The following MSRA variants were observed in gnomAD, a reference collection of about 807,000 sequenced individuals.
MSRA encodes the protein mitochondrial peptide methionine sulfoxide reductase.
MSRA carries 54 observed loss-of-function variants against 31.3 expected under a neutral mutation model. That is an observed-to-expected ratio of 1.73 (90% confidence interval 1.39 to 2.17). The LOEUF (loss-of-function observed/expected upper bound fraction) is 2.17. MSRA is among the 30% of genes most tolerant of loss of function. The probability of loss-of-function intolerance (pLI) is 0.00; values close to 1 mark genes in which losing one functional copy is unlikely to be tolerated. For missense variants in MSRA, 507 were observed against 300.9 expected (o/e 1.69, Z -5.07); for synonymous variants, 169 against 116.5 (o/e 1.45, Z -2.90).
At chr8:10,255,692 A>C (rs1056939123) in intron 3 of MSRA, among the ~76,000 whole-genome samples, 1 of 151,974 alleles carries the variant, frequency 6.6e-6, no homozygotes, top group African/African-American at 2.4e-5. Context: ...GCTCTGGGGA[A>C]CAATCATCTG....
intron 1 of MSRA, among the ~76,000 whole-genome samples, chr8:10,188,665 C>G (rs1299554543): frequency 6.6e-6 from 1 of 152,120 alleles, no homozygotes; most frequent in African/African-American, 2.4e-5. Context: ...AAAAGACTGT[C>G]CTTTCCTGAT....
At chr8:10,226,419 C>T (rs1181904439) in intron 2 of MSRA, among the ~76,000 whole-genome samples, 2 of 152,150 alleles carry the variant, frequency 1.3e-5, no homozygotes, top group Non-Finnish European at 2.9e-5. Flanking sequence ...AAGATTTCTT[C>T]ATCTGGGACC....
intron 4 of MSRA, among the ~76,000 whole-genome samples, chr8:10,318,668 G>A (rs1372927351): frequency 6.6e-6 from 1 of 152,166 alleles, no homozygotes; most frequent in Non-Finnish European, 1.5e-5. Context: ...TTTGTTTTGT[G>A]ATTCAATGGG....
intron 3 of MSRA, among the ~76,000 whole-genome samples, chr8:10,261,762 T>C (rs1446678709): frequency 6.6e-6 from 1 of 152,184 alleles, no homozygotes; most frequent in Non-Finnish European, 1.5e-5. Flanking sequence ...TTTGGTGGTG[T>C]ACATTCTGTA....
At chr8:10,325,333 A>G (rs1231380112) in intron 5 of MSRA, among the ~76,000 whole-genome samples, 3 of 152,014 alleles carry the variant, frequency 2.0e-5, no homozygotes, top group Non-Finnish European at 4.4e-5. Flanking sequence ...ATTATGTATA[A>G]TACGTATATC....
At chr8:10,239,551 C>T (rs565190586) in intron 2 of MSRA, among the ~76,000 whole-genome samples, 1 of 152,332 alleles carries the variant, frequency 6.6e-6, no homozygotes, top group African/African-American at 2.4e-5. Context: ...CAGAGATCCT[C>T]CTACACTGCT....
At chr8:10,357,231 C>G (rs1447628043) in intron 5 of MSRA, among the ~76,000 whole-genome samples, 2 of 152,206 alleles carry the variant, frequency 1.3e-5, no homozygotes, top group Admixed American at 6.5e-5. Flanking sequence ...TATTTCAACT[C>G]TATGAATTTG....
intron 5 of MSRA, among the ~76,000 whole-genome samples, chr8:10,328,645 T>G (rs1199526203): frequency 6.6e-6 from 1 of 152,168 alleles, no homozygotes; most frequent in African/African-American, 2.4e-5. Context: ...ACCAGGTCCT[T>G]CAAAGTCATG....
chr8:10,172,192 C>A (rs993191881), intron 1 of MSRA, among the ~76,000 whole-genome samples: 1 of 152,160 alleles, frequency 6.6e-6, no homozygotes, highest in African/African-American at 2.4e-5. Flanking sequence ...GCAGTGGGAT[C>A]TGGTCACGGG....
chr8:10,364,075 G>A (rs777532622), intron 5 of MSRA, among the ~76,000 whole-genome samples: 1 of 152,078 alleles, frequency 6.6e-6, no homozygotes, highest in Non-Finnish European at 1.5e-5. Flanking sequence ...ACACTTAAAC[G>A]ATTATTTAAA....
At chr8:10,081,661 T>C (rs1738672720) in intron 1 of MSRA, among the ~76,000 whole-genome samples, 1 of 152,086 alleles carries the variant, frequency 6.6e-6, no homozygotes, top group South Asian at 2.1e-4. Context: ...GACAAATCTT[T>C]GTATTTTTAG....
intron 1 of MSRA, among the ~76,000 whole-genome samples, chr8:10,056,604 A>G (rs965817864): frequency 1.3e-5 from 2 of 151,496 alleles, no homozygotes; most frequent in African/African-American, 4.9e-5. Context: ...CTTTTTCCAC[A>G]AAAAGTGTGT....
intron 3 of MSRA, among the ~76,000 whole-genome samples, chr8:10,252,315 AGGATTCAG>A (rs1410134523): frequency 6.6e-6 from 1 of 152,206 alleles, no homozygotes; most frequent in African/African-American, 2.4e-5. Context: ...TGGACAGTCA[AGGATTCAG>A]AGTAGGGGTG....
chr8:10,414,464 T>C (rs1032372040), intron 5 of MSRA, among the ~76,000 whole-genome samples: 3 of 152,226 alleles, frequency 2.0e-5, no homozygotes, highest in Non-Finnish European at 4.4e-5. Flanking sequence ...TTTCCTAGCG[T>C]TGGCACTGAA....
At chr8:10,409,932 T>A (rs952250844) in intron 5 of MSRA, among the ~76,000 whole-genome samples, 1 of 152,198 alleles carries the variant, frequency 6.6e-6, no homozygotes, top group Non-Finnish European at 1.5e-5. Context: ...GGGTGGCACG[T>A]GTCTCTAGTC....
intron 1 of MSRA, among the ~76,000 whole-genome samples, chr8:10,195,841 A>T (rs2129055227): frequency 6.6e-6 from 1 of 152,366 alleles, no homozygotes; most frequent in Non-Finnish European, 1.5e-5. Flanking sequence ...CCATCAAGAA[A>T]TAAAGCCAGA....
intron 1 of MSRA, among the ~76,000 whole-genome samples, chr8:10,141,099 A>G (rs375658069): frequency 1.3e-5 from 2 of 152,188 alleles, no homozygotes; most frequent in Non-Finnish European, 2.9e-5. Context: ...CTCAAATCCA[A>G]CAAACCCTGC....
chr8:10,201,308 C>T (rs888314501), intron 1 of MSRA, among the ~76,000 whole-genome samples: 19 of 152,050 alleles, frequency 1.2e-4, no homozygotes, highest in Admixed American at 2.0e-4. Context: ...TAACATGACC[C>T]GATGAGATTG....
chr8:10,113,292 CTTTTTTTTT>C (rs10665004), intron 1 of MSRA, among the ~76,000 whole-genome samples: 957 of 57,632 alleles, frequency 0.017, 77 homozygotes, highest in Non-Finnish European at 0.023. Context: ...GACAGGTCTT[CTTTTTTTTT>C]TTTTTTTTTT....
Sources: allele counts gnomAD v4.1 joint callset (sites outside exome capture counted in the v4.1 genomes callset), GRCh38; gene constraint gnomAD v4.1.1; transcripts MANE v1.5; gene names NCBI Gene and HGNC (gene_info 2026-07-23, HGNC 2026-07-21).